The following UTRN variants were observed in gnomAD, a reference collection of about 807,000 sequenced individuals.
The protein encoded by UTRN is utrophin, also known as dystrophin-related protein 1.
In UTRN, 283 loss-of-function variants were observed where a neutral mutation model predicts 463.9. The observed-to-expected ratio is 0.61, with a 90% confidence interval of 0.55 to 0.67. The LOEUF is 0.67. Ranked by LOEUF, UTRN falls within the 30% of genes least tolerant of loss-of-function variation. The pLI is 0.00. For missense variants in UTRN, 3,922 were observed against 4,084.3 expected (o/e 0.96, Z 1.08); for synonymous variants, 1,442 against 1,431.5 (o/e 1.01, Z -0.17).
intron 73 of UTRN, among the ~76,000 whole-genome samples, chr6:144,843,856 A>G (rs1781800427): frequency 6.6e-6 from 1 of 152,202 alleles, no homozygotes; most frequent in South Asian, 2.1e-4. Flanking sequence ...CTGTTGGTTT[A>G]AAAGTATTGG....
chr6:144,364,738 CA>C (rs1381654687), intron 2 of UTRN, among the ~76,000 whole-genome samples: 1 of 152,162 alleles, frequency 6.6e-6, no homozygotes, highest in Non-Finnish European at 1.5e-5. Context: ...AAGGTGTTGA[CA>C]GGGCCATGTT....
chr6:144,413,227 A>G (rs1045423988), intron 3 of UTRN, among the ~76,000 whole-genome samples: 1 of 152,220 alleles, frequency 6.6e-6, no homozygotes, highest in African/African-American at 2.4e-5. Context: ...AGAAGATGAT[A>G]ATGAAGCTGA....
intron 65 of UTRN, among the ~76,000 whole-genome samples, chr6:144,803,551 T>C (rs1777884038): frequency 6.6e-6 from 1 of 152,034 alleles, no homozygotes; most frequent in South Asian, 2.1e-4. Flanking sequence ...AACTACCTTC[T>C]AATTTTTCCA....
chr6:144,539,593 A>AT, intron 45 of UTRN, 150 bp downstream of exon 45: 7 of 747,728 alleles, frequency 9.4e-6, no homozygotes, highest in Non-Finnish European at 1.4e-5. Flanking sequence ...TATCTGTCAT[A>AT]GACAGAGGCA....
At chr6:144,752,457 C>G (rs1791503343) in intron 56 of UTRN, among the ~76,000 whole-genome samples, 1 of 151,944 alleles carries the variant, frequency 6.6e-6, no homozygotes, top group Non-Finnish European at 1.5e-5. Flanking sequence ...TTTAATGACT[C>G]TAGACCTTAT....
intron 41 of UTRN, among the ~76,000 whole-genome samples, chr6:144,523,675 G>T (rs1051053681): frequency 4.0e-4 from 61 of 152,228 alleles, no homozygotes; most frequent in Admixed American, 3.5e-3. Flanking sequence ...ATCATGTATA[G>T]ATGACCATTT....
At position 144,470,990 on chromosome 6, in the gene UTRN, T is replaced by C. The variant is rs538880032; in HGVS notation, c.3067-2730T>C. 3.5e-3 allele frequency among the ~76,000 whole-genome samples: 497 copies of C among 144,026 alleles called. 3 individuals carry two copies. The highest frequency in any genetic ancestry group is 7.7e-3 in the South Asian group (33 of 4,274). The allele number at this position is 144,026 out of a possible 152,430, so 94.5% of individuals were successfully genotyped here. A position where few individuals can be genotyped will look rare whatever the true frequency, so the allele number is the denominator to read the frequency against. ...AGATGGCGGCAGGACAGTCCAGCCT[T>C]GGCTCGGCATCAGAGGGAGACCGTG... On this transcript the variant is annotated intron_variant, in intron 23 of 74. Transcript: ENST00000367545.
chr6:144,460,813 C>T (rs956833172), intron 21 of UTRN, among the ~76,000 whole-genome samples: 13 of 152,276 alleles, frequency 8.5e-5, no homozygotes, highest in South Asian at 4.1e-4. Flanking sequence ...TTTGTCTACA[C>T]GGTGGAGCTT....
intron 65 of UTRN, among the ~76,000 whole-genome samples, chr6:144,816,477 CT>C (rs143921683): frequency 4.0e-5 from 6 of 151,722 alleles, no homozygotes; most frequent in Non-Finnish European, 8.8e-5. Flanking sequence ...TTAAGCCATA[CT>C]TTTTTGTGTA....
At chr6:144,752,657 A>G (rs4131501) in intron 56 of UTRN, among the ~76,000 whole-genome samples, 35,624 of 152,146 alleles carry the variant, frequency 0.23, 5,310 homozygotes, top group East Asian at 0.51. Flanking sequence ...TTAATAACCT[A>G]GGATTAGTAA....
At chr6:144,460,784 C>G (rs982176602) in intron 21 of UTRN, among the ~76,000 whole-genome samples, 3 of 152,172 alleles carry the variant, frequency 2.0e-5, no homozygotes, top group Non-Finnish European at 4.4e-5. Flanking sequence ...CATATAATCT[C>G]CTCCACTCTG....
rs116032457 is a variant in UTRN at position 144,501,488 on chromosome 6, G to C, written c.4764+2061G>C. Among the ~76,000 whole-genome samples the C allele has an allele frequency of 9.5e-3, 1,439 of 152,068 alleles. 26 individuals carry two copies. The highest frequency in any genetic ancestry group is 0.032 in the African/African-American group (1,333 of 41,494). ...CACATTTCGATGTGCACATGCAAAA[G>C]CATATATTTAAAAATAAATTTTGTT... On this transcript the variant is annotated intron_variant, in intron 34 of 74. Coordinates refer to ENST00000367545, the MANE Select transcript of UTRN (RefSeq NM_007124.3).
intron 71 of UTRN, 183 bp from the exon 72 acceptor site, chr6:144,838,990 G>A (rs1398493823): frequency 1.9e-6 from 1 of 516,078 alleles, no homozygotes; most frequent in Non-Finnish European, 3.4e-6. Flanking sequence ...AGGTGTCCAA[G>A]CGGAAAGAGA....
chr6:144,596,742 TC>T (rs1201055061), intron 51 of UTRN, among the ~76,000 whole-genome samples: 2 of 152,208 alleles, frequency 1.3e-5, no homozygotes, highest in African/African-American at 4.8e-5. Context: ...TTTATTTTAC[TC>T]TTTTTTCAAT....
At chr6:144,682,701 T>C (rs934016596) in intron 52 of UTRN, among the ~76,000 whole-genome samples, 1 of 152,196 alleles carries the variant, frequency 6.6e-6, no homozygotes, top group Non-Finnish European at 1.5e-5. Context: ...TAAGTTTAGC[T>C]AAAGGCGTAA....
At chr6:144,758,061 T>C (rs9283116) in intron 58 of UTRN, 72 bp downstream of exon 58, 448,395 of 1,317,498 alleles carry the variant, frequency 0.34, 97,798 homozygotes, top group East Asian at 0.87. Context: ...GAGGCTTCTC[T>C]CCCCATAACT....
At chr6:144,287,033 C>T (rs112016490) in intron 1 of UTRN, among the ~76,000 whole-genome samples, 2 of 152,068 alleles carry the variant, frequency 1.3e-5, no homozygotes, top group African/African-American at 4.8e-5. Context: ...TCCCGGCCGC[C>T]CGGCCGGGCG....
At chr6:144,500,473 C>G (rs1266988415) in intron 34 of UTRN, among the ~76,000 whole-genome samples, 1 of 151,968 alleles carries the variant, frequency 6.6e-6, no homozygotes, top group African/African-American at 2.4e-5. Flanking sequence ...TAAAACAGCT[C>G]TTTTAATAAG....
intron 17 of UTRN, among the ~76,000 whole-genome samples, chr6:144,451,103 C>T (rs1393749719): frequency 6.6e-6 from 1 of 151,706 alleles, no homozygotes; most frequent in Non-Finnish European, 1.5e-5. Flanking sequence ...CAGGGCGAGA[C>T]TCCATCTCGA....
Sources: allele counts gnomAD v4.1 joint callset (sites outside exome capture counted in the v4.1 genomes callset), GRCh38; gene constraint gnomAD v4.1.1; transcripts MANE v1.5; gene names NCBI Gene and HGNC (gene_info 2026-07-23, HGNC 2026-07-21).